The following PCDHA7 variants were observed in gnomAD, a reference collection of about 807,000 sequenced individuals.
The protein encoded by PCDHA7 is protocadherin alpha-7.
PCDHA7 carries 37 observed loss-of-function variants against 57.2 expected under a neutral mutation model. That is an observed-to-expected ratio of 0.65 (90% CI 0.50 to 0.85). PCDHA7 has a LOEUF of 0.85. Ranked by LOEUF, PCDHA7 falls within the 40% of genes least tolerant of loss-of-function variation. PCDHA7 has a pLI of 0.00. For missense variants in PCDHA7, 1,188 were observed against 1,241.8 expected, an observed-to-expected ratio of 0.96 and a Z score of 0.65; for synonymous variants, 553 against 558.8, an observed-to-expected ratio of 0.99 and a Z score of 0.15.
chr5:140,869,271 G>C (rs2050992128), intron 1 of PCDHA7: 1 of 1,613,468 alleles, frequency 6.2e-7, no homozygotes, highest in Admixed American at 1.7e-5. Flanking sequence ...GGCTGGAGCT[G>C]GCGGAGCTGG....
chr5:141,006,275 G>A (rs782763386), intron 3 of PCDHA7, among the ~76,000 whole-genome samples: 1 of 151,772 alleles, frequency 6.6e-6, no homozygotes. Flanking sequence ...GCAGTGGCAC[G>A]ATCTCAGCTC....
At chr5:140,858,515 C>A in intron 1 of PCDHA7, 1 of 1,416,092 alleles carries the variant, frequency 7.1e-7, no homozygotes, top group South Asian at 1.2e-5. Context: ...AAATATGTAT[C>A]AGAATATTTC....
At chr5:140,984,730 T>C (rs956611464) in intron 3 of PCDHA7, among the ~76,000 whole-genome samples, 4 of 152,186 alleles carry the variant, frequency 2.6e-5, no homozygotes, top group Non-Finnish European at 4.4e-5. Context: ...ATTAAGATTA[T>C]GATTTAGAGT....
At chr5:140,860,559 A>G (rs2046453959) in intron 1 of PCDHA7, 1 of 152,222 alleles carries the variant, frequency 6.6e-6, no homozygotes, top group African/African-American at 2.4e-5. Flanking sequence ...TTGAAGAGGT[A>G]CTGATCATAC....
chr5:140,876,261 A>G (rs2056242888), intron 1 of PCDHA7: 9 of 1,613,942 alleles, frequency 5.6e-6, no homozygotes, highest in Non-Finnish European at 7.6e-6. Context: ...GAGTGATCCA[A>G]CTAAATGCTT....
intron 3 of PCDHA7, among the ~76,000 whole-genome samples, chr5:140,985,628 T>C (rs1399381029): frequency 6.6e-6 from 1 of 152,116 alleles, no homozygotes; most frequent in Non-Finnish European, 1.5e-5. Flanking sequence ...TGTGTATTGC[T>C]CTTCTCATCC....
intron 1 of PCDHA7, chr5:140,929,409 T>G: frequency 6.6e-7 from 1 of 1,506,206 alleles, no homozygotes; most frequent in Non-Finnish European, 8.9e-7. Context: ...GACAAGCCTT[T>G]CACAACATTT....
chr5:140,967,633 T>G, intron 1 of PCDHA7: 2 of 1,614,106 alleles, frequency 1.2e-6, no homozygotes, highest in Non-Finnish European at 1.7e-6. Flanking sequence ...AGGGCTCCAA[T>G]GGTGAGCTCA....
At chr5:140,966,568 G>A (rs2096022635) in intron 1 of PCDHA7, 1 of 499,094 alleles carries the variant, frequency 2.0e-6, no homozygotes, top group African/African-American at 2.0e-5. Flanking sequence ...CTGGAATATG[G>A]GGAGTCAGCG....
intron 1 of PCDHA7, among the ~76,000 whole-genome samples, chr5:140,891,886 G>A (rs1554184992): frequency 1.3e-5 from 2 of 152,186 alleles, no homozygotes; most frequent in East Asian, 1.9e-4. Context: ...GTCATGTGAC[G>A]ATGCAGCAAG....
At chr5:140,911,560 A>T (rs1554194794) in intron 1 of PCDHA7, among the ~76,000 whole-genome samples, 2 of 152,170 alleles carry the variant, frequency 1.3e-5, no homozygotes, top group Non-Finnish European at 2.9e-5. Flanking sequence ...ATTTTCTTTC[A>T]TCACTTTGTC....
chr5:140,848,742 A>T (rs2150419290), intron 1 of PCDHA7: 2 of 1,593,114 alleles, frequency 1.3e-6, no homozygotes, highest in South Asian at 2.2e-5. Context: ...GCAGAATGGC[A>T]TTTTGTTTGT....
In PCDHA7 at chr5:140,834,468, G is replaced by T. The variant is rs1350848206; in HGVS notation, c.85G>T (p.Gly29Cys). The T allele has an allele frequency of 2.5e-6, 4 of 1,614,146 alleles. No individual in the cohort carries two copies. Among genetic ancestry groups the T allele is most frequent in the Non-Finnish European group, 2.5e-6 (3 of 1,180,034 alleles). ...IILAAWEAGR[G>C]QLHYSVPEEA... ...TCTAGCAGCTTGGGAGGCAGGGAGA[G>T]GCCAGCTCCACTACTCGGTCCCCGA... The change falls in exon 1 of 4, where the codon GGC becomes TGC. Residue 29 changes from glycine (G) to cysteine (C), a missense_variant. Around this residue, in one of 3 missense-constraint regions of PCDHA7, gnomAD observed 194 missense variants for 185.8 expected, o/e 1.04. Coordinates refer to ENST00000525929, the MANE Select transcript of PCDHA7 (RefSeq NM_018910.3).
chr5:140,862,881 T>C, intron 1 of PCDHA7: 3 of 564,618 alleles, frequency 5.3e-6, no homozygotes, highest in Non-Finnish European at 1.0e-5. Context: ...GTATTAGTGC[T>C]GGAACGACAA....
intron 1 of PCDHA7, chr5:140,928,743 G>C: frequency 6.2e-7 from 1 of 1,614,138 alleles, no homozygotes; most frequent in Non-Finnish European, 8.5e-7. Context: ...ATATAGGTGA[G>C]CTCCGTACTG....
chr5:140,841,461 G>A, intron 1 of PCDHA7: 2 of 1,612,908 alleles, frequency 1.2e-6, no homozygotes, highest in Non-Finnish European at 1.7e-6. Flanking sequence ...TTCGTGGGCC[G>A]GATCGCGCAG....
intron 1 of PCDHA7, chr5:140,866,190 G>C (rs1420527547): frequency 6.6e-6 from 1 of 152,128 alleles, no homozygotes; most frequent in African/African-American, 2.4e-5. Context: ...TCAGAAAACT[G>C]TGGTTTCCAA....
In PCDHA7 at chr5:140,836,667, GA is replaced by G. The variant is rs2150267239; in HGVS notation, c.2285del (p.Glu762GlyfsTer38). 7 of 1,613,396 alleles carry G rather than the reference GA, an allele frequency of 4.3e-6. No homozygotes were observed. Among genetic ancestry groups the G allele is most frequent in the Non-Finnish European group, 5.9e-6 (7 of 1,179,566 alleles). On this transcript the variant is annotated frameshift_variant, in exon 1 of 4. Coordinates refer to ENST00000525929, the MANE Select transcript of PCDHA7 (RefSeq NM_018910.3). LOFTEE classifies it high-confidence loss of function. ...GAGGCGGCAGAGGGTGTGCTCTGGGGAGGGCCCACCCAAGACAGACCTCATG... is the reference window on the plus strand; with the variant it reads ...GAGGCGGCAGAGGGTGTGCTCTGGGGGGGCCCACCCAAGACAGACCTCATG... ...QQRRQRVCSG[E>X]GPPKTDLMAF... is the part of the protein sequence containing the mutation.
intron 3 of PCDHA7, among the ~76,000 whole-genome samples, chr5:140,991,912 A>G (rs1022060256): frequency 1.3e-5 from 2 of 152,150 alleles, no homozygotes; most frequent in Non-Finnish European, 2.9e-5. Context: ...CCCTTTTGCC[A>G]TGTAACATAA....
Sources: gnomAD v4.1 joint callset for allele counts (sites outside exome capture counted in the v4.1 genomes callset) on GRCh38, gnomAD v4.1.1 for gene constraint, gnomAD v4.1.1 regional missense constraint, MANE v1.5 for transcripts, NCBI Gene and HGNC (gene_info 2026-07-23, HGNC 2026-07-21) for gene names.